The following USP4 variants were observed in gnomAD, a reference collection of about 807,000 sequenced individuals.
The protein encoded by USP4 is ubiquitin specific peptidase 4.
In USP4, 72 loss-of-function variants were observed where a neutral mutation model predicts 118.2. The ratio of observed to expected loss-of-function variants is 0.61; its 90% CI spans 0.50 to 0.74. The LOEUF (loss-of-function observed/expected upper bound fraction) is 0.74. USP4 is among the 30% of genes least tolerant of loss of function. USP4 has a pLI of 0.00. For missense variants in USP4, 1,037 were observed against 1,185.7 expected, an observed-to-expected ratio of 0.87 and a Z score of 1.84; for synonymous variants, 415 against 440.4, an observed-to-expected ratio of 0.94 and a Z score of 0.72.
chr3:49,278,731 A>G (rs144715242), intron 21 of USP4, 83 bp downstream of exon 21: 11,488 of 1,137,756 alleles, frequency 0.01, 109 homozygotes, highest in Middle Eastern at 0.03. Context: ...GGATGATGAA[A>G]TAACCAACTA....
chr3:49,309,542 C>T (rs2047358289), intron 8 of USP4, among the ~76,000 whole-genome samples: 1 of 151,478 alleles, frequency 6.6e-6, no homozygotes. Context: ...AGGTGTGAGC[C>T]ATTGCGCCTG....
chr3:49,339,909 G>T lies in USP4; in HGVS notation c.101+15C>A. The T allele has an allele frequency of 6.2e-7, 1 of 1,609,144 alleles. No individual in the cohort carries two copies. On this transcript the variant is annotated intron_variant, in intron 1 of 21. Coordinates refer to ENST00000265560, the MANE Select transcript of USP4 (RefSeq NM_003363.4). ...CCCTGGTTCTGCATAGAGGAAGAGC[G>T]AGCCGGGAGCTCACCACTGCGCCCC... is the stretch of plus-strand genomic sequence containing the variant.
chr3:49,294,831 G>A (rs564833460), intron 13 of USP4, among the ~76,000 whole-genome samples: 5 of 152,278 alleles, frequency 3.3e-5, no homozygotes, highest in East Asian at 1.9e-4. Context: ...AGGGCTAACC[G>A]TGATACTCCT....
intron 14 of USP4, chr3:49,293,571 TGAG>T: frequency 6.7e-6 from 1 of 148,996 alleles, no homozygotes; most frequent in East Asian, 2.0e-4. Flanking sequence ...CTTGGGAGGC[TGAG>T]GCAGCAGAAT....
chr3:49,278,190 T>C lies in USP4; in HGVS notation c.*103A>G. ...TGCTCATAAAAGAAGGGTATTTCCT[T>C]GTCTGGTTTTTAGACAGAACACTAG... On this transcript the variant is annotated 3_prime_UTR_variant, in exon 22 of 22. Transcript: ENST00000265560. 7.7e-7 allele frequency: 1 copy of C among 1,300,588 alleles called. No individual in the cohort carries two copies. Among genetic ancestry groups the C allele is most frequent in the Non-Finnish European group, 1.0e-6 (1 of 979,296 alleles). 80.6% of individuals were successfully genotyped at this position (1,300,588 alleles called of 1,614,324 possible).
At chr3:49,280,875 T>A (rs2047016362) in intron 19 of USP4, 28 bp from the exon 20 acceptor site, 1 of 1,602,896 alleles carries the variant, frequency 6.2e-7, no homozygotes, top group South Asian at 1.1e-5. Context: ...AAATAGTTAT[T>A]GAATATGTTA....
chr3:49,288,494 G>T (rs574331181), intron 15 of USP4, among the ~76,000 whole-genome samples: 2 of 152,132 alleles, frequency 1.3e-5, no homozygotes, highest in East Asian at 3.9e-4. Context: ...GAGCAACATG[G>T]TGAAACCCCA....
intron 3 of USP4, 104 bp from the exon 4 acceptor site, chr3:49,325,949 C>A: frequency 7.1e-7 from 1 of 1,411,956 alleles, no homozygotes; most frequent in African/African-American, 1.4e-5. Flanking sequence ...TCATGATAAT[C>A]CATTTCCTTT....
At chr3:49,330,481 C>G (rs1266794565) in intron 2 of USP4, among the ~76,000 whole-genome samples, 3 of 151,816 alleles carry the variant, frequency 2.0e-5, no homozygotes, top group Non-Finnish European at 2.9e-5. Flanking sequence ...GCACCCGCCA[C>G]CACACCCGGT....
intron 9 of USP4, among the ~76,000 whole-genome samples, chr3:49,304,733 T>A (rs1330193166): frequency 6.6e-6 from 1 of 151,794 alleles, no homozygotes; most frequent in Non-Finnish European, 1.5e-5. Context: ...GGACTACAGG[T>A]ACATCACCAT....
intron 6 of USP4, among the ~76,000 whole-genome samples, chr3:49,315,702 C>G (rs1371336988): frequency 1.3e-5 from 2 of 152,124 alleles, no homozygotes; most frequent in African/African-American, 4.8e-5. Context: ...GTCCTGCTCC[C>G]CAGGCATGTC....
chr3:49,283,651 G>T (rs1181100837), intron 19 of USP4, among the ~76,000 whole-genome samples: 3 of 152,152 alleles, frequency 2.0e-5, no homozygotes, highest in Non-Finnish European at 4.4e-5. Context: ...CTTGTCCCCT[G>T]TTGTGCTGCC....
chr3:49,285,043 C>A, intron 16 of USP4, 124 bp from the exon 17 acceptor site: 3 of 726,072 alleles, frequency 4.1e-6, no homozygotes, highest in South Asian at 3.4e-5. Context: ...CCATCAGCAG[C>A]CAGTGTCAAG....
Position 49,280,792 on chromosome 3 carries a change from C to T in USP4, c.2596G>A (p.Asp866Asn), listed in dbSNP as rs1251620465. Residue 866 changes from aspartate to asparagine, a missense_variant, in exon 20 of 22, where the codon GAC (aspartate) becomes AAC (asparagine). Physicochemically the swap from Asp to Asn is conservative, Grantham distance 23. Around this residue, in one of 3 missense-constraint regions of USP4, gnomAD observed 522 missense variants for 592.6 expected, o/e 0.88. Coordinates refer to ENST00000265560, the MANE Select transcript of USP4 (RefSeq NM_003363.4). ...CNLSARPYVY[D>N]LIAVSNHYGA... ...TAATGATTGGACACGGCAATGAGGT[C>T]GTACACATAAGGCCTTGCTGACAGG... 10 of 1,614,114 alleles carry T rather than the reference C, an allele frequency of 6.2e-6. No individual in the cohort carries two copies. Among genetic ancestry groups the T allele is most frequent in the Admixed American group, 5.0e-5 (3 of 60,018 alleles).
In USP4 at chr3:49,300,801, G is replaced by A. The variant is rs951277602; in HGVS notation, c.1288-110C>T. On this transcript the variant is annotated intron_variant, in intron 10 of 21. Coordinates refer to ENST00000265560, the MANE Select transcript of USP4 (RefSeq NM_003363.4). ...GATGAATCAGGTGGCAATCTGTACA[G>A]CCAAGAGCTTGATCCAGGACAAACA... The A allele has an allele frequency of 6.3e-6, 6 of 947,974 alleles. No individual in the cohort carries two copies. In the African/African-American group the frequency reaches 9.8e-5, roughly 16 times the overall value. The allele number at this position is 947,974 out of a possible 1,614,324, so 58.7% of individuals were successfully genotyped here.
chr3:49,291,899 T>C (rs1199700482), intron 15 of USP4, among the ~76,000 whole-genome samples: 1 of 151,668 alleles, frequency 6.6e-6, no homozygotes, highest in African/African-American at 2.4e-5. Flanking sequence ...CTGCAAGCTC[T>C]ACCTCCCGGG....
At chr3:49,322,366 G>A (rs1372232364) in intron 6 of USP4, among the ~76,000 whole-genome samples, 1 of 152,184 alleles carries the variant, frequency 6.6e-6, no homozygotes, top group Non-Finnish European at 1.5e-5. Context: ...GTTAGCTCCA[G>A]TTTGTAACTA....
chr3:49,298,065 A>G (rs1559469071), intron 12 of USP4, 101 bp from the exon 13 acceptor site: 6 of 789,210 alleles, frequency 7.6e-6, no homozygotes, highest in Non-Finnish European at 1.3e-5. Flanking sequence ...ACTCATACTC[A>G]AATGTTGCCT....
intron 16 of USP4, 63 bp from the exon 17 acceptor site, chr3:49,284,982 G>A (rs2047078270): frequency 7.4e-7 from 1 of 1,348,274 alleles, no homozygotes; most frequent in African/African-American, 1.4e-5. Context: ...CTCTCCAAGT[G>A]ACAGGAGTGA....
Sources: gnomAD v4.1 joint callset for allele counts (sites outside exome capture counted in the v4.1 genomes callset) on GRCh38, gnomAD v4.1.1 for gene constraint, gnomAD v4.1.1 regional missense constraint, MANE v1.5 for transcripts, NCBI Gene and HGNC (gene_info 2026-07-23, HGNC 2026-07-21) for gene names.